Variants in ABI2 observed in about 807,000 individuals in gnomAD.
ABI2 encodes the protein abl interactor 2.
ABI2 carries 25 observed loss-of-function variants against 59.2 expected under a neutral mutation model. That is an observed-to-expected ratio of 0.42 (90% CI 0.31 to 0.59). The LOEUF is 0.59. Ranked by LOEUF, ABI2 falls within the 20% of genes least tolerant of loss-of-function variation. ABI2 has a pLI of 0.14. For missense variants in ABI2, 545 were observed against 681.8 expected (o/e 0.80, Z 2.23); for synonymous variants, 213 against 235.5 (o/e 0.90, Z 0.87).
chr2:203,374,975 A>G (rs2095584599), intron 2 of ABI2: 1 of 361,078 alleles, frequency 2.8e-6, no homozygotes, highest in South Asian at 2.1e-5. Flanking sequence ...TGGCCTGAGC[A>G]TGTGCTTGGG....
chr2:203,372,772 A>G (rs1161359547), intron 2 of ABI2, among the ~76,000 whole-genome samples: 1 of 146,326 alleles, frequency 6.8e-6, no homozygotes, highest in Non-Finnish European at 1.5e-5. Flanking sequence ...TGCCAGGCGG[A>G]GGGTCTCCTC....
chr2:203,333,927 CTTTTCTTT>C (rs2075191806), intron 1 of ABI2, among the ~76,000 whole-genome samples: 2 of 150,998 alleles, frequency 1.3e-5, no homozygotes, highest in Non-Finnish European at 3.0e-5. Context: ...TTTATTTTTT[CTTTTCTTT>C]TTTCTTTCTT....
chr2:203,389,049 A>C (rs1219679399), intron 4 of ABI2, among the ~76,000 whole-genome samples: 1 of 152,196 alleles, frequency 6.6e-6, no homozygotes, highest in African/African-American at 2.4e-5. Context: ...CACTTTAAAA[A>C]AATCTTCTGG....
At chr2:203,400,799 CAA>C (rs1312765474) in intron 8 of ABI2, among the ~76,000 whole-genome samples, 2 of 152,046 alleles carry the variant, frequency 1.3e-5, no homozygotes, top group Non-Finnish European at 2.9e-5. Flanking sequence ...GAAAAATTGT[CAA>C]AGTGTTGTTT....
intron 11 of ABI2, among the ~76,000 whole-genome samples, chr2:203,420,256 C>A (rs984338088): frequency 6.6e-6 from 1 of 152,074 alleles, no homozygotes; most frequent in Non-Finnish European, 1.5e-5. Flanking sequence ...TTTTACTGCC[C>A]GTTTTGTATC....
chr2:203,331,344 T>G (rs1447101958), intron 1 of ABI2, among the ~76,000 whole-genome samples: 2 of 127,436 alleles, frequency 1.6e-5, no homozygotes, highest in African/African-American at 5.8e-5. Context: ...ATGGTCAATT[T>G]AGCCTTTTTT....
chr2:203,422,945 T>C (rs1179169675), intron 11 of ABI2, among the ~76,000 whole-genome samples: 1 of 152,192 alleles, frequency 6.6e-6, no homozygotes, highest in African/African-American at 2.4e-5. Flanking sequence ...TGAACTTTTT[T>C]CCATATAAAT....
intron 1 of ABI2, among the ~76,000 whole-genome samples, chr2:203,332,632 C>T (rs1473552837): frequency 6.6e-6 from 1 of 152,036 alleles, no homozygotes; most frequent in African/African-American, 2.4e-5. Flanking sequence ...CTCAAAAAAA[C>T]AAAAATTACA....
At chr2:203,387,195 G>T (rs575056431) in intron 4 of ABI2, among the ~76,000 whole-genome samples, 14 of 151,616 alleles carry the variant, frequency 9.2e-5, no homozygotes, top group Admixed American at 9.2e-4. Flanking sequence ...TAGGTCATCT[G>T]TTAATGGGAG....
chr2:203,379,675 C>T (rs1390268465), intron 2 of ABI2, among the ~76,000 whole-genome samples: 1 of 152,082 alleles, frequency 6.6e-6, no homozygotes, highest in Non-Finnish European at 1.5e-5. Context: ...CTATATTAGT[C>T]TAAATCTTAA....
At chr2:203,408,176 T>A (rs1214810000) in intron 9 of ABI2, among the ~76,000 whole-genome samples, 5 of 150,864 alleles carry the variant, frequency 3.3e-5, no homozygotes, top group Non-Finnish European at 5.9e-5. Flanking sequence ...TTTTTTTTTT[T>A]TTTGAGATGG....
intron 5 of ABI2, among the ~76,000 whole-genome samples, chr2:203,392,571 A>C (rs930611199): frequency 6.6e-6 from 1 of 152,242 alleles, no homozygotes; most frequent in African/African-American, 2.4e-5. Context: ...AACAAGATTT[A>C]AACTTCAAGG....
intron 2 of ABI2, among the ~76,000 whole-genome samples, chr2:203,372,623 C>T (rs1274451965): frequency 2.0e-5 from 3 of 151,424 alleles, no homozygotes; most frequent in Non-Finnish European, 3.0e-5. Flanking sequence ...CCCCCACCTC[C>T]CTCCCAGACG....
intron 1 of ABI2, among the ~76,000 whole-genome samples, chr2:203,339,064 T>C (rs1397690104): frequency 1.4e-5 from 2 of 142,402 alleles, no homozygotes; most frequent in Non-Finnish European, 3.0e-5. Context: ...TAAAAAGACC[T>C]AAGTAGACAT....
chr2:203,394,736 T>C lies in ABI2; in HGVS notation c.615T>C (p.Arg205=). The change falls in exon 6 of 12, where the codon CGT becomes CGC. Residue 205 remains arginine, a synonymous_variant. Transcript: ENST00000261018. ...CCTATCGCACACTGGAGCCAGTGCG[T>C]CCTCCAGTGGTACCAAATGATTACG... ...HSPYRTLEPV[R]PPVVPNDYVP... is the part of the protein sequence containing the mutation. 1 of 1,613,976 alleles carries C rather than the reference T, an allele frequency of 6.2e-7. No homozygotes were observed. Among genetic ancestry groups the C allele is most frequent in the Non-Finnish European group, 8.5e-7 (1 of 1,179,912 alleles).
At chr2:203,394,960 C>T (rs890797261) in intron 6 of ABI2, 114 bp downstream of exon 6, 4 of 1,159,396 alleles carry the variant, frequency 3.5e-6, no homozygotes, top group Non-Finnish European at 5.0e-6. Context: ...TCACTCTATT[C>T]TCCCAAACCT....
rs778671701 is a variant in ABI2, at chr2:203,380,212, T to C, written c.290T>C (p.Val97Ala). 1 of 1,573,422 alleles carries C rather than the reference T, an allele frequency of 6.4e-7. No homozygotes were observed. The highest frequency in any genetic ancestry group is 1.2e-5 in the South Asian group (1 of 83,744). Residue 97 changes from valine (V) to alanine (A), a missense_variant, in exon 3 of 12, where the codon GTT becomes GCT. Coordinates refer to ENST00000261018, the MANE Select transcript of ABI2 (RefSeq NM_001375670.1). ...TTTTTACATTATATTTTGCAGACAG[T>C]TGATATTCATAAAGAGAAAGTTGCA... ...ESSINHISQTVDIHKEKVARR... is the reference protein window; with the variant it reads ...ESSINHISQTADIHKEKVARR...
intron 1 of ABI2, among the ~76,000 whole-genome samples, chr2:203,358,004 G>T (rs1295309640): frequency 6.6e-6 from 1 of 151,682 alleles, no homozygotes; most frequent in African/African-American, 2.4e-5. Context: ...CTGACCTCCT[G>T]TGATCCATCC....
chr2:203,379,982 G>C (rs578068246), intron 2 of ABI2, among the ~76,000 whole-genome samples: 21 of 152,296 alleles, frequency 1.4e-4, no homozygotes, highest in Admixed American at 7.8e-4. Context: ...TAGCTTGTGG[G>C]CTGTAAAAAT....
Sources: allele counts gnomAD v4.1 joint callset (sites outside exome capture counted in the v4.1 genomes callset), GRCh38; gene constraint gnomAD v4.1.1; transcripts MANE v1.5; gene names NCBI Gene and HGNC (gene_info 2026-07-23, HGNC 2026-07-21).